Variants in MGAT5B observed in about 807,000 individuals in gnomAD.
The protein encoded by MGAT5B is alpha-1,6-mannosylglycoprotein 6-beta-N-acetylglucosaminyltransferase B, also known as N-acetylglucosaminyl-transferase Vb.
Under a neutral mutation model 95.1 loss-of-function variants are expected in MGAT5B, and 54 were observed. That is an observed-to-expected ratio of 0.57 (90% confidence interval 0.46 to 0.71). The LOEUF (loss-of-function observed/expected upper bound fraction) is 0.71. MGAT5B is among the 30% of genes least tolerant of loss of function. The pLI, the probability that MGAT5B is intolerant of heterozygous loss-of-function variation, is 0.00. For missense variants in MGAT5B, 935 were observed against 1,088.6 expected (o/e 0.86, Z 1.99); for synonymous variants, 464 against 451.0 (o/e 1.03, Z -0.36).
chr17:76,913,328 GACTGA>G (rs1398460008), intron 8 of MGAT5B, among the ~76,000 whole-genome samples: 1 of 152,242 alleles, frequency 6.6e-6, no homozygotes, highest in Non-Finnish European at 1.5e-5. Flanking sequence ...GACTGGCACA[GACTGA>G]TCTGAACCAA....
intron 15 of MGAT5B, among the ~76,000 whole-genome samples, chr17:76,943,736 C>T (rs1353719118): frequency 2.0e-5 from 3 of 152,026 alleles, no homozygotes; most frequent in South Asian, 2.1e-4. Flanking sequence ...CCACCATGCC[C>T]GGCCTAATAA....
At chr17:76,910,955 T>C (rs1039916503) in intron 8 of MGAT5B, among the ~76,000 whole-genome samples, 3 of 152,128 alleles carry the variant, frequency 2.0e-5, no homozygotes, top group African/African-American at 7.2e-5. Context: ...ACTAAAAGAA[T>C]AAAAATAAAA....
chr17:76,920,382 C>T (rs1969088780), intron 8 of MGAT5B, among the ~76,000 whole-genome samples: 1 of 152,092 alleles, frequency 6.6e-6, no homozygotes, highest in Non-Finnish European at 1.5e-5. Context: ...CACAGCCGAG[C>T]CTCCCGGGCA....
At chr17:76,939,440 G>A (rs1397543374) in intron 13 of MGAT5B, among the ~76,000 whole-genome samples, 1 of 152,134 alleles carries the variant, frequency 6.6e-6, no homozygotes, top group Admixed American at 6.5e-5. Flanking sequence ...CTTGAACCCG[G>A]GAGGCAGAGG....
In MGAT5B at chr17:76,912,881, A is replaced by T. The variant is rs534763692; in HGVS notation, c.1025+6694A>T. ...TCCTGAGACGGCCTCGTGCATGTGC[A>T]GGTCCAGGGTGGGCGTTTTAAAGTT... On this transcript the variant is annotated intron_variant, in intron 8 of 17. Coordinates refer to ENST00000569840, the MANE Select transcript of MGAT5B (RefSeq NM_001199172.2). The surrounding 1 kb of genome is among the most constrained non-coding windows in gnomAD (Gnocchi z 5.0). 1.3e-5 allele frequency among the ~76,000 whole-genome samples: 2 copies of T among 152,318 alleles called. No homozygotes were observed. Among genetic ancestry groups the T allele is most frequent in the South Asian group, 4.1e-4 (2 of 4,824 alleles).
intron 3 of MGAT5B, among the ~76,000 whole-genome samples, chr17:76,902,180 A>G (rs1968337084): frequency 6.6e-6 from 1 of 152,214 alleles, no homozygotes; most frequent in African/African-American, 2.4e-5. Flanking sequence ...TTGTGGCCAC[A>G]TGAAGACATG....
chr17:76,872,758 A>G (rs1357333149), intron 1 of MGAT5B, 93 bp from the exon 2 acceptor site: 13 of 1,607,454 alleles, frequency 8.1e-6, no homozygotes, highest in African/African-American at 2.7e-5. Flanking sequence ...TCATGCACTC[A>G]TTCGTAAAAC....
rs375661202 is a variant in MGAT5B at position 76,926,639 on chromosome 17, G to C, written c.1200G>C (p.Ala400=). ...RVIDTFGTEP[A]YNHEEYATLH... ...TCGACACCTTCGGGACGGAACCTGCGTACAACCACGAGGAGTACGCCACGC... is the reference window on the plus strand; with the variant it reads ...TCGACACCTTCGGGACGGAACCTGCCTACAACCACGAGGAGTACGCCACGC... Residue 400 remains alanine (A), a synonymous_variant, in exon 10 of 18, where the codon GCG becomes GCC. Transcript: ENST00000569840. 6.2e-7 allele frequency: 1 copy of C among 1,612,606 alleles called. No homozygotes were observed. The highest frequency in any genetic ancestry group is 2.2e-5 in the East Asian group (1 of 44,874).
intron 3 of MGAT5B, among the ~76,000 whole-genome samples, chr17:76,893,837 C>T (rs528526042): frequency 4.6e-5 from 7 of 152,268 alleles, no homozygotes; most frequent in Non-Finnish European, 5.9e-5. Context: ...CGGGGGGTGC[C>T]AGCCTTTTGC....
chr17:76,897,660 A>ACCCTCTTTCTTTCTTT (rs1385091778), intron 3 of MGAT5B, among the ~76,000 whole-genome samples: 7 of 69,438 alleles, frequency 1.0e-4, no homozygotes, highest in East Asian at 4.2e-4. Context: ...AAGTAAGGCC[A>ACCCTCTTTCTTTCTTT]CTTTCTTTCT....
At chr17:76,879,630 G>A (rs1967330895) in intron 2 of MGAT5B, among the ~76,000 whole-genome samples, 3 of 152,202 alleles carry the variant, frequency 2.0e-5, no homozygotes, top group Admixed American at 2.0e-4. Context: ...GTAGAAAGCA[G>A]TGGCCAGGCA....
At chr17:76,929,875 T>G (rs577712960) in intron 10 of MGAT5B, among the ~76,000 whole-genome samples, 1 of 152,316 alleles carries the variant, frequency 6.6e-6, no homozygotes, top group East Asian at 1.9e-4. Flanking sequence ...TCTGACTGGC[T>G]TAGCTAATTG....
rs547675371 is a variant in MGAT5B at position 76,902,576 on chromosome 17, C to A, written c.351C>A (p.Leu117=). 6.3e-7 allele frequency: 1 copy of A among 1,599,340 alleles called. No individual in the cohort carries two copies. The highest frequency in any genetic ancestry group is 8.5e-7 in the Non-Finnish European group (1 of 1,172,476). The change falls in exon 4 of 18, where the codon CTC becomes CTA. Residue 117 remains leucine, a synonymous_variant. Transcript: ENST00000569840. The part of the protein sequence containing the change: ...PADRMPPGAG[L]MERIQAIAQN... ...TTAGGATGCCCCCTGGGGCCGGCCT[C>A]ATGGAGCGGATCCAGGCTATTGCCC... is the stretch of plus-strand genomic sequence containing the variant.
At chr17:76,893,248 C>T (rs964089071) in intron 3 of MGAT5B, among the ~76,000 whole-genome samples, 1 of 152,104 alleles carries the variant, frequency 6.6e-6, no homozygotes, top group Admixed American at 6.5e-5. Context: ...GCTGGGCCTG[C>T]GTTTGGTTCA....
Position 76,905,188 on chromosome 17 carries a change from T to C in MGAT5B, c.710T>C (p.Leu237Pro). ...CTCCAGGCAGTTTTCCGAAGCAACCTGTCCCACCTTCTGGACCTGATGGGC... is the reference window on the plus strand; with the variant it reads ...CTCCAGGCAGTTTTCCGAAGCAACCCGTCCCACCTTCTGGACCTGATGGGC... Reference protein sequence around the residue: ...PKVQAVFRSNLSHLLDLMGSG... With the variant: ...PKVQAVFRSNPSHLLDLMGSG... The change falls in exon 7 of 18, where the codon CTG becomes CCG. Residue 237 changes from leucine to proline, a missense_variant. Coordinates refer to ENST00000569840, the MANE Select transcript of MGAT5B (RefSeq NM_001199172.2). The surrounding 1 kb of genome is among the most constrained non-coding windows in gnomAD (Gnocchi z 4.2). 1 of 1,611,482 alleles carries C rather than the reference T, an allele frequency of 6.2e-7. No homozygotes were observed. Among genetic ancestry groups the C allele is most frequent in the Non-Finnish European group, 8.5e-7 (1 of 1,178,028 alleles).
In MGAT5B at chr17:76,930,397, C is replaced by T. The variant is rs1001458428; in HGVS notation, c.1292-2248C>T. The stretch of plus-strand genomic sequence containing the variant: ...CGTTAAAATGTGGGGGATGTGCATT[C>T]GAAATGAAGAAATAGGGTATTTAGA... On this transcript the variant is annotated intron_variant, in intron 10 of 17. Transcript: ENST00000569840. The surrounding 1 kb of genome is among the most constrained non-coding windows in gnomAD (Gnocchi z 4.1). Among the ~76,000 whole-genome samples the T allele has an allele frequency of 2.0e-5, 3 of 152,080 alleles. No individual in the cohort carries two copies. The highest frequency in any genetic ancestry group is 1.9e-4 in the East Asian group (1 of 5,188).
At chr17:76,937,271 A>G (rs1187715938) in intron 12 of MGAT5B, among the ~76,000 whole-genome samples, 1 of 152,192 alleles carries the variant, frequency 6.6e-6, no homozygotes, top group Non-Finnish European at 1.5e-5. Context: ...TGGAGCTTCC[A>G]TCAGAGGTCC....
intron 3 of MGAT5B, among the ~76,000 whole-genome samples, chr17:76,899,023 G>T (rs546739817): frequency 6.6e-6 from 1 of 152,232 alleles, no homozygotes; most frequent in Non-Finnish European, 1.5e-5. Context: ...CACACCCACC[G>T]TGGGTCAGGG....
chr17:76,927,441 G>A (rs1461351920), intron 10 of MGAT5B, among the ~76,000 whole-genome samples: 1 of 152,050 alleles, frequency 6.6e-6, no homozygotes, highest in African/African-American at 2.4e-5. Context: ...GGTTTCACCA[G>A]GTTGCCCAGG....
Sources: allele counts gnomAD v4.1 joint callset (sites outside exome capture counted in the v4.1 genomes callset), GRCh38; gene constraint gnomAD v4.1.1; non-coding constraint Gnocchi (gnomAD v3.1); transcripts MANE v1.5; gene names NCBI Gene and HGNC (gene_info 2026-07-23, HGNC 2026-07-21).